Variants in SORCS2 observed in about 807,000 individuals in gnomAD.
SORCS2 encodes the protein sortilin related VPS10 domain containing receptor 2.
A neutral mutation model predicts 141.6 loss-of-function variants in SORCS2; 100 were observed. The ratio of observed to expected loss-of-function variants is 0.71; its 90% confidence interval spans 0.60 to 0.83. SORCS2 has a LOEUF of 0.83. Ranked by LOEUF, SORCS2 falls within the 40% of genes least tolerant of loss-of-function variation. SORCS2 has a pLI of 0.00. For synonymous variants in SORCS2, 789 were observed against 676.9 expected (o/e 1.17, Z -2.57); for missense variants, 1,646 against 1,560.2 (o/e 1.05, Z -0.93).
chr4:7,729,487 G>T, intron 22 of SORCS2, 100 bp from the exon 23 acceptor site: 1 of 1,440,404 alleles, frequency 6.9e-7, no homozygotes, highest in South Asian at 1.4e-5. Context: ...TGAGACAGGT[G>T]TACAGGCCAA....
intron 2 of SORCS2, among the ~76,000 whole-genome samples, chr4:7,527,469 T>G (rs77733414): frequency 0.46 from 69,204 of 151,500 alleles, 17,393 homozygotes; most frequent in East Asian, 0.89. Flanking sequence ...GCAGTGGGCC[T>G]CGGGGCCTCG....
chr4:7,456,798 C>G lies in SORCS2; in HGVS notation c.548+60443C>G, dbSNP rs1209744841. On this transcript the variant is annotated intron_variant, in intron 2 of 26. Transcript: ENST00000507866. ...GGGGTAGGGGGGTGGAGGGTCATCT[C>G]TCGACGATCAGTGTGGAGGGAAGGA... 2.0e-5 allele frequency among the ~76,000 whole-genome samples: 3 copies of G among 152,088 alleles called. No individual in the cohort carries two copies. In the South Asian group the frequency reaches 6.2e-4, roughly 32 times the overall value.
chr4:7,528,423 T>G (rs567920256), intron 2 of SORCS2, among the ~76,000 whole-genome samples: 65 of 151,928 alleles, frequency 4.3e-4, no homozygotes, highest in Middle Eastern at 6.8e-3. Context: ...TGTTGTTGTT[T>G]TTTGTTTGTT....
chr4:7,371,206 A>G (rs936816856), intron 1 of SORCS2, among the ~76,000 whole-genome samples: 6 of 152,216 alleles, frequency 3.9e-5, no homozygotes, highest in Middle Eastern at 3.4e-3. Flanking sequence ...GCGAAGGTCT[A>G]TGGGGATCGT....
At chr4:7,625,774 G>T (rs2108837682) in intron 3 of SORCS2, among the ~76,000 whole-genome samples, 1 of 152,126 alleles carries the variant, frequency 6.6e-6, no homozygotes, top group East Asian at 1.9e-4. Context: ...AGGGAAGAAA[G>T]AAGGTAGAGA....
At chr4:7,484,997 C>T (rs1268549335) in intron 2 of SORCS2, among the ~76,000 whole-genome samples, 1 of 151,878 alleles carries the variant, frequency 6.6e-6, no homozygotes, top group Admixed American at 6.6e-5. Flanking sequence ...CATGTCAGGA[C>T]TTCTGGCTGA....
At chr4:7,477,426 C>T (rs4990863) in intron 2 of SORCS2, among the ~76,000 whole-genome samples, 31 of 9,770 alleles carry the variant, frequency 3.2e-3, no homozygotes, top group Non-Finnish European at 0.011. Flanking sequence ...CGTGGCTGAT[C>T]GGGGCTGACC....
At chr4:7,651,234 T>G (rs1721427611) in intron 4 of SORCS2, among the ~76,000 whole-genome samples, 1 of 152,076 alleles carries the variant, frequency 6.6e-6, no homozygotes, top group African/African-American at 2.4e-5. Context: ...GTGGATAGGC[T>G]GCGTGTCAGA....
intron 4 of SORCS2, among the ~76,000 whole-genome samples, chr4:7,650,475 C>G (rs1478714443): frequency 6.6e-6 from 1 of 152,168 alleles, no homozygotes; most frequent in Non-Finnish European, 1.5e-5. Flanking sequence ...GAAACTGAGG[C>G]TCAGAACAGC....
At chr4:7,346,866 C>T (rs11724125) in intron 1 of SORCS2, among the ~76,000 whole-genome samples, 27,239 of 152,152 alleles carry the variant, frequency 0.18, 2,880 homozygotes, top group Non-Finnish European at 0.24. Flanking sequence ...TAATGTCCAT[C>T]ATAACATTCA....
intron 1 of SORCS2, among the ~76,000 whole-genome samples, chr4:7,374,834 G>A (rs374464670): frequency 2.6e-5 from 4 of 152,184 alleles, no homozygotes; most frequent in Non-Finnish European, 5.9e-5. Context: ...GACCGCGGGT[G>A]GGGGGAGGCT....
chr4:7,712,280 A>G (rs890448246), intron 14 of SORCS2, among the ~76,000 whole-genome samples: 1 of 152,178 alleles, frequency 6.6e-6, no homozygotes, highest in African/African-American at 2.4e-5. Flanking sequence ...GCAGCACGGA[A>G]CCCTCACACG....
At chr4:7,376,523 GCCAAGATTGCGCCACTTTACT>G (rs1230083949) in intron 1 of SORCS2, among the ~76,000 whole-genome samples, 1 of 152,170 alleles carries the variant, frequency 6.6e-6, no homozygotes, top group Non-Finnish European at 1.5e-5. Flanking sequence ...GTTGCAATGA[GCCAAGATTGCGCCACTTTACT>G]CCAGCCTGGG....
intron 5 of SORCS2, 84 bp from the exon 6 acceptor site, chr4:7,661,416 G>A (rs1322872670): frequency 1.0e-5 from 15 of 1,454,420 alleles, no homozygotes; most frequent in East Asian, 5.0e-5. Flanking sequence ...GGGAGGCCAC[G>A]TGGCTGCAGG....
chr4:7,260,873 G>A (rs528362927), intron 1 of SORCS2, among the ~76,000 whole-genome samples: 16 of 152,306 alleles, frequency 1.1e-4, no homozygotes, highest in Admixed American at 2.0e-4. Flanking sequence ...AACCTCCCCC[G>A]AGCAGGGTCT....
intron 1 of SORCS2, among the ~76,000 whole-genome samples, chr4:7,335,384 TAACCCAAACATTTTGCAGAG>T (rs1719918717): frequency 6.6e-6 from 1 of 152,194 alleles, no homozygotes; most frequent in Non-Finnish European, 1.5e-5. Flanking sequence ...GATGCTTTGA[TAACCCAAACATTTTGCAGAG>T]AACCCAAACA....
chr4:7,351,967 C>T (rs1031108072), intron 1 of SORCS2, among the ~76,000 whole-genome samples: 1 of 152,186 alleles, frequency 6.6e-6, no homozygotes, highest in Admixed American at 6.5e-5. Flanking sequence ...TGCCTACTCC[C>T]TCGCCTGTCC....
At chr4:7,406,899 C>A (rs1164141029) in intron 2 of SORCS2, among the ~76,000 whole-genome samples, 6 of 151,936 alleles carry the variant, frequency 3.9e-5, no homozygotes, top group Non-Finnish European at 8.8e-5. Context: ...TAGTTTGTTT[C>A]AAGAAATTTT....
chr4:7,351,454 G>T (rs1011571511), intron 1 of SORCS2, among the ~76,000 whole-genome samples: 3 of 152,112 alleles, frequency 2.0e-5, no homozygotes, highest in African/African-American at 7.2e-5. Context: ...TCTTCTGTCT[G>T]TTCTCATCAC....
Sources: allele counts gnomAD v4.1 joint callset (sites outside exome capture counted in the v4.1 genomes callset), GRCh38; gene constraint gnomAD v4.1.1; transcripts MANE v1.5; gene names NCBI Gene and HGNC (gene_info 2026-07-23, HGNC 2026-07-21).